The following NMD3 variants were observed in gnomAD, a reference collection of about 807,000 sequenced individuals.
The protein encoded by NMD3 is NMD3 ribosome export adaptor, also known as 60S ribosomal export protein NMD3.
A neutral mutation model predicts 73.1 loss-of-function variants in NMD3; 47 were observed. The observed-to-expected ratio is 0.64, with a 90% CI of 0.51 to 0.82. NMD3 has a LOEUF of 0.82. Among genes scored for constraint, NMD3 ranks in the 40% least tolerant of loss-of-function variants. NMD3 has a pLI of 0.00. For synonymous variants in NMD3, 210 were observed against 194.5 expected (o/e 1.08, Z -0.66); for missense variants, 554 against 612.5 (o/e 0.90, Z 1.01).
intron 13 of NMD3, among the ~76,000 whole-genome samples, chr3:161,247,994 C>T (rs538140836): frequency 1.3e-5 from 2 of 151,352 alleles, no homozygotes; most frequent in South Asian, 4.2e-4. Flanking sequence ...TTATGTTGCT[C>T]AGGCTGGTCT....
chr3:161,235,056 G>T, intron 6 of NMD3, 66 bp from the exon 7 acceptor site: 1 of 872,808 alleles, frequency 1.1e-6, no homozygotes, highest in Non-Finnish European at 1.8e-6. Context: ...TAGATAGTAT[G>T]TGTGTCCTAT....
chr3:161,250,945 A>C lies in NMD3; in HGVS notation c.*35A>C, dbSNP rs1737464682. 1 of 1,584,850 alleles carries C rather than the reference A, an allele frequency of 6.3e-7. No homozygotes were observed. Among genetic ancestry groups the C allele is most frequent in the Non-Finnish European group, 8.6e-7 (1 of 1,160,442 alleles). On this transcript the variant is annotated 3_prime_UTR_variant, in exon 16 of 16. Transcript: ENST00000351193. ...GTAGACTGTTTCCATACATGGGCTT[A>C]AGAAGTTGGACAGAGTTACCTTAAG...
chr3:161,234,167 A>G (rs904423830), intron 5 of NMD3, among the ~76,000 whole-genome samples: 16 of 151,792 alleles, frequency 1.1e-4, no homozygotes, highest in Non-Finnish European at 2.1e-4. Flanking sequence ...TGATTTTTCT[A>G]TGTAAACATG....
rs1258513204 is a variant in NMD3, at chr3:161,251,263, C to G, written c.*353C>G. 1 of 156,574 alleles carries G rather than the reference C, an allele frequency of 6.4e-6. No individual in the cohort carries two copies. The highest frequency in any genetic ancestry group is 2.4e-5 in the African/African-American group (1 of 41,636). 9.7% of individuals were successfully genotyped at this position (156,574 alleles called of 1,614,324 possible). On this transcript the variant is annotated 3_prime_UTR_variant, in exon 16 of 16. Transcript: ENST00000351193. The stretch of plus-strand genomic sequence containing the variant: ...ATTCCTTGAACGTTCACTAAATCTT[C>G]AAGCAAAAACACATTTTTACATTAT...
intron 14 of NMD3, 92 bp from the exon 15 acceptor site, chr3:161,250,164 G>C: frequency 3.0e-6 from 2 of 671,916 alleles, no homozygotes. Flanking sequence ...GGAAACAGCA[G>C]TATGTCTACA....
chr3:161,226,885 T>C (rs949621682), intron 3 of NMD3, among the ~76,000 whole-genome samples: 5 of 152,206 alleles, frequency 3.3e-5, no homozygotes, highest in African/African-American at 1.2e-4. Context: ...TCTCAGGCAT[T>C]TTAGAAGTAC....
intron 11 of NMD3, among the ~76,000 whole-genome samples, chr3:161,243,538 T>G (rs1310286714): frequency 6.6e-6 from 1 of 152,190 alleles, no homozygotes; most frequent in Non-Finnish European, 1.5e-5. Flanking sequence ...AGTCTTTTAT[T>G]TAATAATAGT....
intron 7 of NMD3, among the ~76,000 whole-genome samples, chr3:161,237,722 A>G (rs1736816150): frequency 6.6e-6 from 1 of 151,890 alleles, no homozygotes. Context: ...TATTTCTAGT[A>G]GAGACGGGGT....
At chr3:161,237,116 A>G (rs1352243994) in intron 7 of NMD3, among the ~76,000 whole-genome samples, 2 of 152,106 alleles carry the variant, frequency 1.3e-5, no homozygotes, top group East Asian at 1.9e-4. Context: ...GCTTTTGGCT[A>G]TTCCTTTCTT....
At chr3:161,247,697 G>C (rs1036285259) in intron 13 of NMD3, among the ~76,000 whole-genome samples, 2 of 151,478 alleles carry the variant, frequency 1.3e-5, no homozygotes, top group African/African-American at 4.9e-5. Context: ...GCTGAGGTAG[G>C]AGAATTGCCT....
chr3:161,249,696 T>G (rs1737403451), intron 14 of NMD3, 136 bp downstream of exon 14: 1 of 696,604 alleles, frequency 1.4e-6, no homozygotes, highest in Non-Finnish European at 2.6e-6. Context: ...TATCAAGGTA[T>G]TAATGGAATC....
chr3:161,249,500 G>GA lies in NMD3; in HGVS notation c.1253dup (p.Asn418LysfsTer18). On this transcript the variant is annotated frameshift_variant, in exon 14 of 16. Transcript: ENST00000351193. LOFTEE classifies it high-confidence loss of function. ...GACCGGACCAAACGTCAGCGTCGTA[G>GA]AAACTGGAAATTGAAAGAGCTTGCA... The GA allele has an allele frequency of 5.0e-6, 8 of 1,612,898 alleles. No homozygotes were observed. The highest frequency in any genetic ancestry group is 6.8e-6 in the Non-Finnish European group (8 of 1,179,400).
chr3:161,239,674 G>T (rs1172620892), intron 9 of NMD3, among the ~76,000 whole-genome samples: 1 of 152,180 alleles, frequency 6.6e-6, no homozygotes, highest in Non-Finnish European at 1.5e-5. Context: ...TTGCACCCAG[G>T]TCTGTGTCTC....
At chr3:161,225,983 A>G (rs1346727612) in intron 3 of NMD3, among the ~76,000 whole-genome samples, 1 of 152,092 alleles carries the variant, frequency 6.6e-6, no homozygotes, top group African/African-American at 2.4e-5. Flanking sequence ...TTTGCTATTA[A>G]AAGCCTGGTG....
intron 2 of NMD3, 128 bp from the exon 3 acceptor site, chr3:161,224,800 CTG>C: frequency 5.5e-6 from 5 of 913,504 alleles, no homozygotes; most frequent in Non-Finnish European, 8.0e-6. Flanking sequence ...TGCTTTGTTT[CTG>C]TTATTTTTTT....
chr3:161,253,079 A>G, downstream of NMD3: 1 of 217,696 alleles, frequency 4.6e-6, no homozygotes, highest in Non-Finnish European at 9.0e-6. Flanking sequence ...CCTGGGCGAC[A>G]GAGTGAGACT....
intron 8 of NMD3, 127 bp downstream of exon 8, chr3:161,238,318 G>A: frequency 1.5e-6 from 1 of 684,542 alleles, no homozygotes; most frequent in Non-Finnish European, 2.5e-6. Context: ...ACACAATCAG[G>A]AAGCATATAT....
intron 4 of NMD3, among the ~76,000 whole-genome samples, chr3:161,230,068 G>A (rs1736473844): frequency 6.6e-6 from 1 of 152,112 alleles, no homozygotes; most frequent in South Asian, 2.1e-4. Flanking sequence ...GTGGTTGAAG[G>A]GGAAGTTGGG....
chr3:161,250,947 G>C lies in NMD3; in HGVS notation c.*37G>C. The C allele has an allele frequency of 6.3e-7, 1 of 1,581,646 alleles. No homozygotes were observed. Among genetic ancestry groups the C allele is most frequent in the Non-Finnish European group, 8.6e-7 (1 of 1,158,114 alleles). ...AGACTGTTTCCATACATGGGCTTAA[G>C]AAGTTGGACAGAGTTACCTTAAGTG... On this transcript the variant is annotated 3_prime_UTR_variant, in exon 16 of 16. Coordinates refer to ENST00000351193, the MANE Select transcript of NMD3 (RefSeq NM_015938.5).
Sources: gnomAD v4.1 joint callset for allele counts (sites outside exome capture counted in the v4.1 genomes callset) on GRCh38, gnomAD v4.1.1 for gene constraint, MANE v1.5 for transcripts, NCBI Gene and HGNC (gene_info 2026-07-23, HGNC 2026-07-21) for gene names.